Variants in ZNF511 observed in about 807,000 individuals in gnomAD.
The protein encoded by ZNF511 is zinc finger protein 511.
In ZNF511, 26 loss-of-function variants were observed where a neutral mutation model predicts 24.8. That is an observed-to-expected ratio of 1.05 (90% CI 0.77 to 1.46). ZNF511 has a LOEUF of 1.46. Ranked by LOEUF, ZNF511 falls within the 40% of genes most tolerant of loss-of-function variation. The pLI is 0.00. For synonymous variants in ZNF511, 144 were observed against 139.6 expected (o/e 1.03, Z -0.22); for missense variants, 358 against 345.0 (o/e 1.04, Z -0.30).
chr10:133,309,190 G>T (rs921266398), intron 1 of ZNF511, 94 bp downstream of exon 1: 1 of 1,379,642 alleles, frequency 7.2e-7, no homozygotes, highest in African/African-American at 1.5e-5. Flanking sequence ...AGGGGCCTAC[G>T]ACTGCGGGGC....
intron 2 of ZNF511, 87 bp downstream of exon 2, chr10:133,309,550 T>C: frequency 1.4e-6 from 2 of 1,467,112 alleles, no homozygotes; most frequent in Non-Finnish European, 1.9e-6. Flanking sequence ...GCTGCCGCTC[T>C]TCCATGTGCG....
chr10:133,312,672 G>A lies in ZNF511; in HGVS notation c.681-116G>A, dbSNP rs554554659. ...CCCAGGGCCCAGGAGGGCCGGCTCT[G>A]CATTCCGCATGTTCCCAGAGTGAAA... is the stretch of plus-strand genomic sequence containing the variant. On this transcript the variant is annotated intron_variant, in intron 5 of 5. Coordinates refer to ENST00000361518, the MANE Select transcript of ZNF511 (RefSeq NM_145806.4). 3 of 1,572,962 alleles carry A rather than the reference G, an allele frequency of 1.9e-6. No individual in the cohort carries two copies. The South Asian group carries it at 3.5e-5, about 19-fold the overall frequency.
At chr10:133,312,522 G>C in intron 5 of ZNF511, 1 of 1,355,120 alleles carries the variant, frequency 7.4e-7, no homozygotes, top group South Asian at 1.7e-5. Context: ...GTAGCAGGAA[G>C]TCTCAGCCCC....
chr10:133,311,690 A>C, intron 4 of ZNF511, 26 bp from the exon 5 acceptor site: 1 of 1,597,010 alleles, frequency 6.3e-7, no homozygotes, highest in Non-Finnish European at 8.6e-7. Context: ...CGTGCAGGGC[A>C]GTTACTCACT....
Position 133,311,741 on chromosome 10 carries a change from G to C in ZNF511, c.580G>C (p.Asp194His), listed in dbSNP as rs142332607. The C allele has an allele frequency of 6.2e-7, 1 of 1,613,598 alleles. No individual in the cohort carries two copies. Among genetic ancestry groups the C allele is most frequent in the Non-Finnish European group, 8.5e-7 (1 of 1,179,978 alleles). The change falls in exon 5 of 6, where the codon GAC becomes CAC. Residue 194 changes from aspartate to histidine, a missense_variant. By Grantham distance (81) the Asp-to-His change is moderately conservative (BLOSUM62 -1). Coordinates refer to ENST00000361518, the MANE Select transcript of ZNF511 (RefSeq NM_145806.4). The stretch of plus-strand genomic sequence containing the variant: ...CCCAGCCTCAGCAGAAGCCCCAGGG[G>C]ACAGTGGAGAGCGGTCAGAAGGGGA... ...RSPASAEAPGDSGERSEGEAM... is the reference protein window; with the variant it reads ...RSPASAEAPGHSGERSEGEAM...
chr10:133,313,155 T>C lies in ZNF511; in HGVS notation c.*289T>C. 1.9e-6 allele frequency: 1 copy of C among 534,708 alleles called. No homozygotes were observed. Among genetic ancestry groups the C allele is most frequent in the East Asian group, 4.1e-5 (1 of 24,222 alleles). The allele number at this position is 534,708 out of a possible 1,614,324, so 33.1% of individuals were successfully genotyped here. ...TTTAAACACATGAAATAAGTATTTTTCACTGATGGTCTTGAGTCTTCATTT... is the reference window on the plus strand; with the variant it reads ...TTTAAACACATGAAATAAGTATTTTCCACTGATGGTCTTGAGTCTTCATTT... On this transcript the variant is annotated 3_prime_UTR_variant, in exon 6 of 6. Transcript: ENST00000361518.
chr10:133,309,288 A>T (rs1313045607), intron 1 of ZNF511, 102 bp from the exon 2 acceptor site: 23 of 1,432,506 alleles, frequency 1.6e-5, no homozygotes, highest in Non-Finnish European at 2.2e-5. Flanking sequence ...GTGGGGCGGG[A>T]CCGGAGCGCG....
chr10:133,312,156 A>T (rs1564779762), intron 5 of ZNF511: 2 of 1,378,282 alleles, frequency 1.5e-6, no homozygotes, highest in South Asian at 1.6e-5. Context: ...CGTCTGCCTT[A>T]ATAGCATCAC....
In ZNF511 at chr10:133,309,399, G is replaced by T. The variant is rs763138340; in HGVS notation, c.163G>T (p.Val55Leu). Residue 55 changes from valine to leucine, a missense_variant, in exon 2 of 6, where the codon GTG becomes TTG. Physicochemically the swap from Val to Leu is conservative, Grantham distance 32 (BLOSUM62 1). Coordinates refer to ENST00000361518, the MANE Select transcript of ZNF511 (RefSeq NM_145806.4). ...CGCACTTTTCCTGCAGGATGGGGAC[G>T]TGCAGCGCCACCTCTACCTCCAGGA... ...REHQFFEDGD[V>L]QRHLYLQDVI... The T allele has an allele frequency of 1.2e-6, 2 of 1,611,748 alleles. No individual in the cohort carries two copies. The highest frequency in any genetic ancestry group is 1.1e-5 in the South Asian group (1 of 90,912).
chr10:133,309,298 G>A, intron 1 of ZNF511, 92 bp from the exon 2 acceptor site: 1 of 1,475,256 alleles, frequency 6.8e-7, no homozygotes, highest in Non-Finnish European at 9.2e-7. Flanking sequence ...ACCGGAGCGC[G>A]GGATGACTGG....
intron 1 of ZNF511, 87 bp from the exon 2 acceptor site, chr10:133,309,303 G>A: frequency 2.0e-6 from 3 of 1,496,366 alleles, no homozygotes; most frequent in Non-Finnish European, 2.7e-6. Flanking sequence ...AGCGCGGGAT[G>A]ACTGGGGCCA....
At chr10:133,309,539 T>A in intron 2 of ZNF511, 76 bp downstream of exon 2, 1 of 1,512,750 alleles carries the variant, frequency 6.6e-7, no homozygotes, top group Non-Finnish European at 9.0e-7. Context: ...CCTGGGGCTG[T>A]GCTGCCGCTC....
At chr10:133,312,102 G>A in intron 5 of ZNF511, 3 of 1,447,084 alleles carry the variant, frequency 2.1e-6, no homozygotes, top group Non-Finnish European at 2.7e-6. Context: ...GTCTGAGTGG[G>A]ATGGAAAGAG....
In ZNF511 at chr10:133,308,934, G is replaced by C; in HGVS notation, c.-10G>C. 2 of 1,221,582 alleles carry C rather than the reference G, an allele frequency of 1.6e-6. No homozygotes were observed. The highest frequency in any genetic ancestry group is 1.0e-6 in the Non-Finnish European group (1 of 976,814). The allele number at this position is 1,221,582 out of a possible 1,614,324, so 75.7% of individuals were successfully genotyped here. A position where few individuals can be genotyped will look rare whatever the true frequency, so the allele number is the denominator to read the frequency against. ...TGGCCGACAGGCTGCGCCCGCCCGC[G>C]CCCGGGGTGATGCAGTTGCCCCCCG... On this transcript the variant is annotated 5_prime_UTR_variant, in exon 1 of 6. Coordinates refer to ENST00000361518, the MANE Select transcript of ZNF511 (RefSeq NM_145806.4).
At chr10:133,312,059 A>G (rs1848002981) in intron 5 of ZNF511, 3 of 1,475,898 alleles carry the variant, frequency 2.0e-6, no homozygotes, top group Non-Finnish European at 9.0e-7. Flanking sequence ...ATTGAAGCGC[A>G]GGAATGCCAA....
rs565473441 is a variant in ZNF511 at position 133,309,555 on chromosome 10, T to C, written c.227+92T>C. ...CTGGGGCTGTGCTGCCGCTCTTCCA[T>C]GTGCGGCCGCCCCACCGAGGCGCTG... On this transcript the variant is annotated intron_variant, in intron 2 of 5. Transcript: ENST00000361518. The C allele has an allele frequency of 1.1e-4, 160 of 1,438,530 alleles. No individual in the cohort carries two copies. In the African/African-American group the frequency reaches 2.0e-3, roughly 18 times the overall value. The allele number at this position is 1,438,530 out of a possible 1,614,324, so 89.1% of individuals were successfully genotyped here. A position where few individuals can be genotyped will look rare whatever the true frequency, so the allele number is the denominator to read the frequency against.
intron 5 of ZNF511, 190 bp downstream of exon 5, chr10:133,312,031 A>T: frequency 6.5e-7 from 1 of 1,532,906 alleles, no homozygotes; most frequent in Non-Finnish European, 8.8e-7. Flanking sequence ...TTTCTCTCGC[A>T]TACTCTGTTT....
intron 3 of ZNF511, 60 bp from the exon 4 acceptor site, chr10:133,310,104 G>A (rs979239044): frequency 5.6e-6 from 9 of 1,611,984 alleles, no homozygotes; most frequent in Non-Finnish European, 5.9e-6. Flanking sequence ...CTCTGCTACG[G>A]GGGCATGGCG....
At chr10:133,311,665 A>G (rs1292023897) in intron 4 of ZNF511, 51 bp from the exon 5 acceptor site, 6 of 1,482,342 alleles carry the variant, frequency 4.0e-6, no homozygotes, top group Non-Finnish European at 5.6e-6. Flanking sequence ...TGGGGAACAC[A>G]GGGGCTGTGG....
Sources: allele counts gnomAD v4.1 joint callset, GRCh38; gene constraint gnomAD v4.1.1; transcripts MANE v1.5; gene names NCBI Gene and HGNC (gene_info 2026-07-23, HGNC 2026-07-21).